PTPRM: variants seen among roughly 807,000 people sequenced by gnomAD.
The protein encoded by PTPRM is receptor-type tyrosine-protein phosphatase mu.
Under a neutral mutation model 186.7 loss-of-function variants are expected in PTPRM, and 47 were observed. That is an observed-to-expected ratio of 0.25 (90% CI 0.20 to 0.32). The LOEUF (loss-of-function observed/expected upper bound fraction) is 0.32, where lower values mean the gene tolerates loss of function less well. Ranked by LOEUF, PTPRM falls within the 10% of genes least tolerant of loss-of-function variation. The probability of loss-of-function intolerance (pLI) is 1.00; values close to 1 mark genes in which losing one functional copy is unlikely to be tolerated. For synonymous variants in PTPRM, 668 were observed against 674.9 expected (o/e 0.99, Z 0.16); for missense variants, 1,494 against 1,865.0 (o/e 0.80, Z 3.66).
chr18:8,039,091 G>T (rs2086531811), intron 7 of PTPRM, among the ~76,000 whole-genome samples: 1 of 151,932 alleles, frequency 6.6e-6, no homozygotes, highest in South Asian at 2.1e-4. Flanking sequence ...TTTAATACTT[G>T]CATTATTAGA....
At chr18:7,869,035 G>A (rs1435422136) in intron 2 of PTPRM, among the ~76,000 whole-genome samples, 1 of 152,190 alleles carries the variant, frequency 6.6e-6, no homozygotes, top group Non-Finnish European at 1.5e-5. Context: ...AGTAATGGCA[G>A]ACACCCCTCG....
chr18:7,838,475 T>A (rs767293776), intron 2 of PTPRM, among the ~76,000 whole-genome samples: 1 of 152,216 alleles, frequency 6.6e-6, no homozygotes, highest in Non-Finnish European at 1.5e-5. Context: ...GATTACCAGG[T>A]AGAGAGACTC....
At chr18:7,684,598 A>G (rs1440978559) in intron 1 of PTPRM, among the ~76,000 whole-genome samples, 2 of 152,136 alleles carry the variant, frequency 1.3e-5, no homozygotes, top group Admixed American at 6.5e-5. Flanking sequence ...ATCATACGCT[A>G]TTTGTCCTTT....
At chr18:8,323,918 G>T (rs1256733357) in intron 22 of PTPRM, among the ~76,000 whole-genome samples, 1 of 152,010 alleles carries the variant, frequency 6.6e-6, no homozygotes, top group Admixed American at 6.6e-5. Context: ...TTTCATTTAA[G>T]GTGGTTCATG....
chr18:8,036,974 C>T lies in PTPRM; in HGVS notation c.1133-32712C>T, dbSNP rs529483639. Among the ~76,000 whole-genome samples, 3 of 152,286 alleles carry T rather than the reference C, an allele frequency of 2.0e-5. No homozygotes were observed. The East Asian group carries it at 5.8e-4, about 29-fold the overall frequency. On this transcript the variant is annotated intron_variant, in intron 7 of 32. Transcript: ENST00000580170. ...GGTCCTAAGGTTTATGCTTAATGAA[C>T]TTCCTCTGCTTCTGAACTGGGATCA...
At chr18:8,300,779 C>G (rs1185776494) in intron 20 of PTPRM, among the ~76,000 whole-genome samples, 1 of 152,126 alleles carries the variant, frequency 6.6e-6, no homozygotes, top group Non-Finnish European at 1.5e-5. Flanking sequence ...ATTTTTGTAT[C>G]TTTCTAGGGA....
chr18:8,226,497 A>T (rs2094215846), intron 14 of PTPRM, among the ~76,000 whole-genome samples: 1 of 152,196 alleles, frequency 6.6e-6, no homozygotes, highest in African/African-American at 2.4e-5. Context: ...AGAAAAAGGC[A>T]TTTTTTACAA....
Position 8,344,474 on chromosome 18 carries a change from A to ATATATATATC in PTPRM, c.3054+955_3054+956insATATATATCT, listed in dbSNP as rs1318982857. On this transcript the variant is annotated intron_variant, in intron 23 of 32. Transcript: ENST00000580170. ...TATATATATATATATATATATATAT[A>ATATATATATC]TCTAGCAAAAATGGCACATTAACCT... 4.2e-3 allele frequency among the ~76,000 whole-genome samples: 618 copies of ATATATATATC among 147,226 alleles called. 7 individuals are homozygous for ATATATATATC. The highest frequency in any genetic ancestry group is 0.013 in the African/African-American group (505 of 38,640).
intron 1 of PTPRM, among the ~76,000 whole-genome samples, chr18:7,630,844 TA>T (rs1212709616): frequency 2.0e-5 from 3 of 152,180 alleles, no homozygotes; most frequent in Non-Finnish European, 4.4e-5. Flanking sequence ...ACACCATTAA[TA>T]GCACATTTTG....
intron 7 of PTPRM, among the ~76,000 whole-genome samples, chr18:8,036,869 G>T (rs75086357): frequency 0.031 from 4,777 of 152,246 alleles, 228 homozygotes; most frequent in African/African-American, 0.11. Context: ...TACAACTGAT[G>T]ATGTAAATAC....
intron 22 of PTPRM, among the ~76,000 whole-genome samples, chr18:8,336,848 G>A (rs749927009): frequency 9.2e-5 from 14 of 152,000 alleles, no homozygotes; most frequent in Non-Finnish European, 1.5e-4. Flanking sequence ...GTGGTGGTGC[G>A]TGCCTGTAGT....
chr18:8,095,585 A>G (rs1487289489), intron 11 of PTPRM, among the ~76,000 whole-genome samples: 1 of 152,132 alleles, frequency 6.6e-6, no homozygotes, highest in Non-Finnish European at 1.5e-5. Flanking sequence ...GAGCTGCAGC[A>G]GCAATGGAGG....
chr18:7,944,364 C>T (rs773487002), intron 5 of PTPRM, among the ~76,000 whole-genome samples: 4 of 152,146 alleles, frequency 2.6e-5, no homozygotes, highest in Non-Finnish European at 4.4e-5. Context: ...TCATTTGTTA[C>T]TATGATTTCT....
chr18:8,238,624 G>GCT (rs1364847488), intron 14 of PTPRM, among the ~76,000 whole-genome samples: 3 of 109,162 alleles, frequency 2.7e-5, no homozygotes, highest in Non-Finnish European at 5.7e-5. Context: ...TTTGTTGTTT[G>GCT]CTCTGTCTCT....
At chr18:7,981,493 G>A (rs776314145) in intron 7 of PTPRM, among the ~76,000 whole-genome samples, 8 of 152,158 alleles carry the variant, frequency 5.3e-5, no homozygotes, top group African/African-American at 1.7e-4. Flanking sequence ...TAAAGTGTGA[G>A]GCAGTCTCCC....
chr18:8,158,410 C>T (rs1429728936), intron 14 of PTPRM, among the ~76,000 whole-genome samples: 1 of 152,122 alleles, frequency 6.6e-6, no homozygotes, highest in East Asian at 1.9e-4. Flanking sequence ...GCATATTTTT[C>T]TTGGGATGAT....
chr18:8,049,685 A>G (rs964825342), intron 7 of PTPRM, among the ~76,000 whole-genome samples: 3 of 150,454 alleles, frequency 2.0e-5, no homozygotes, highest in African/African-American at 7.4e-5. Flanking sequence ...GATCTTGACC[A>G]TGTGAGTCCA....
chr18:8,230,128 T>C (rs1263132573), intron 14 of PTPRM, among the ~76,000 whole-genome samples: 2 of 152,222 alleles, frequency 1.3e-5, no homozygotes, highest in Non-Finnish European at 2.9e-5. Context: ...TCCTTCAGTC[T>C]GTCATTTGAT....
At chr18:7,896,473 A>G (rs1381758811) in intron 3 of PTPRM, among the ~76,000 whole-genome samples, 2 of 151,426 alleles carry the variant, frequency 1.3e-5, no homozygotes, top group Non-Finnish European at 2.9e-5. Context: ...GAGGCCAGGG[A>G]GGCAGTGATC....
Sources: gnomAD v4.1 joint callset for allele counts (sites outside exome capture counted in the v4.1 genomes callset) on GRCh38, gnomAD v4.1.1 for gene constraint, MANE v1.5 for transcripts, NCBI Gene and HGNC (gene_info 2026-07-23, HGNC 2026-07-21) for gene names.